Variants in WDR25 observed in about 807,000 individuals in gnomAD.
WDR25 encodes WD repeat domain 25, also known as WD repeat-containing protein 25.
A neutral mutation model predicts 47.7 loss-of-function variants in WDR25; 35 were observed. That is an observed-to-expected ratio of 0.73 (90% CI 0.56 to 0.97). WDR25 has a LOEUF of 0.97. Among genes scored for constraint, WDR25 ranks in the 50% least tolerant of loss-of-function variants. The pLI is 0.00. For missense variants in WDR25, 634 were observed against 704.7 expected (o/e 0.90, Z 1.14); for synonymous variants, 248 against 278.9 (o/e 0.89, Z 1.10).
rs994079690 is a variant in WDR25 at position 100,430,791 on chromosome 14, T to C, written c.823-37230T>C. ...TGCACAGATGAGGCTTGCTTCGTGCTCCCCAGCCTGGCAACGTGGACATTT... is the reference window on the plus strand; with the variant it reads ...TGCACAGATGAGGCTTGCTTCGTGCCCCCCAGCCTGGCAACGTGGACATTT... On this transcript the variant is annotated intron_variant, in intron 2 of 6. Transcript: ENST00000402312. This position sits in a 1 kb window ranked among gnomAD's most constrained non-coding sequence, Gnocchi z 4.7. 6.6e-6 allele frequency among the ~76,000 whole-genome samples: 1 copy of C among 152,092 alleles called. No individual in the cohort carries two copies. Among genetic ancestry groups the C allele is most frequent in the Non-Finnish European group, 1.5e-5 (1 of 68,016 alleles).
intron 2 of WDR25, among the ~76,000 whole-genome samples, chr14:100,398,129 C>T (rs1378316333): frequency 6.6e-6 from 1 of 152,224 alleles, no homozygotes; most frequent in Non-Finnish European, 1.5e-5. Flanking sequence ...TGAACCACCA[C>T]ACCCGGCCTG....
At chr14:100,445,386 C>T (rs1184336084) in intron 2 of WDR25, among the ~76,000 whole-genome samples, 2 of 152,164 alleles carry the variant, frequency 1.3e-5, no homozygotes, top group African/African-American at 4.8e-5. Flanking sequence ...TAAAATTTTG[C>T]CTCAGAGCCT....
intron 3 of WDR25, among the ~76,000 whole-genome samples, chr14:100,470,411 A>T (rs922145469): frequency 6.6e-6 from 1 of 152,230 alleles, no homozygotes; most frequent in African/African-American, 2.4e-5. Context: ...AATTCATTTG[A>T]TGGCATTGAT....
At chr14:100,514,213 A>G (rs914578194) in intron 4 of WDR25, among the ~76,000 whole-genome samples, 2 of 151,898 alleles carry the variant, frequency 1.3e-5, no homozygotes, top group Non-Finnish European at 2.9e-5. Context: ...TGGGATTACA[A>G]GCGTGAGCCA....
At chr14:100,377,041 C>T (rs1896709183) in intron 1 of WDR25, among the ~76,000 whole-genome samples, 1 of 152,220 alleles carries the variant, frequency 6.6e-6, no homozygotes, top group South Asian at 2.1e-4. Flanking sequence ...TCCCTTCCAT[C>T]TTACTGTCTG....
intron 2 of WDR25, among the ~76,000 whole-genome samples, chr14:100,452,574 G>A: frequency 6.6e-6 from 1 of 152,152 alleles, no homozygotes; most frequent in Non-Finnish European, 1.5e-5. Flanking sequence ...CAGGTGCCCA[G>A]GCCTTGAGGG....
intron 4 of WDR25, among the ~76,000 whole-genome samples, chr14:100,517,522 T>C (rs1028189497): frequency 6.6e-6 from 1 of 152,182 alleles, no homozygotes; most frequent in Non-Finnish European, 1.5e-5. Context: ...TACTTATTGT[T>C]AATATTTTAC....
chr14:100,377,553 G>A (rs537294012), intron 1 of WDR25, among the ~76,000 whole-genome samples: 8 of 151,614 alleles, frequency 5.3e-5, no homozygotes, highest in African/African-American at 1.7e-4. Flanking sequence ...CAGGTAATCC[G>A]CCCTTCTCGG....
In WDR25 at chr14:100,498,400, A is replaced by G. The variant is rs1900805443; in HGVS notation, c.1101+14276A>G. ...CCCTCTGCATGCCCCTTTTCCACCA[A>G]ACAGATTTCTTGGTTTTTAATTACA... On this transcript the variant is annotated intron_variant, in intron 4 of 6. Coordinates refer to ENST00000402312, the MANE Select transcript of WDR25 (RefSeq NM_001161476.3). This position sits in a 1 kb window ranked among gnomAD's most constrained non-coding sequence, Gnocchi z 4.2. Among the ~76,000 whole-genome samples, 1 of 152,022 alleles carries G rather than the reference A, an allele frequency of 6.6e-6. No homozygotes were observed. Among genetic ancestry groups the G allele is most frequent in the Non-Finnish European group, 1.5e-5 (1 of 67,992 alleles).
chr14:100,387,078 G>A (rs116660699), intron 2 of WDR25, among the ~76,000 whole-genome samples: 2 of 151,590 alleles, frequency 1.3e-5, no homozygotes, highest in African/African-American at 4.9e-5. Context: ...TAGCCTCTCT[G>A]ATCCCCTAGT....
intron 2 of WDR25, among the ~76,000 whole-genome samples, chr14:100,455,838 TTA>T (rs965333413): frequency 6.6e-5 from 10 of 152,332 alleles, no homozygotes; most frequent in African/African-American, 2.4e-4. Flanking sequence ...GGCCTTCTTG[TTA>T]TCTATGACAC....
chr14:100,396,077 T>C (rs7142684), intron 2 of WDR25, among the ~76,000 whole-genome samples: 10,350 of 150,688 alleles, frequency 0.069, 634 homozygotes, highest in African/African-American at 0.17. Context: ...TCCGGGTTCA[T>C]GACATTCTCC....
At chr14:100,464,640 CAGTGCAT>C in intron 2 of WDR25, among the ~76,000 whole-genome samples, 1 of 151,246 alleles carries the variant, frequency 6.6e-6, no homozygotes, top group Non-Finnish European at 1.5e-5. Flanking sequence ...CGCATCAACC[CAGTGCAT>C]TTCATCTCCC....
chr14:100,390,391 CTGTGTGTGTGTGTG>C lies in WDR25; in HGVS notation c.822+8668_822+8681del, dbSNP rs55802109. ...CCTAAAAAGCTGACCTGACCAAAAG[CTGTGTGTGTGTGTG>C]TGTGTGTGTGTGTGTGTGTGTGCAT... On this transcript the variant is annotated intron_variant, in intron 2 of 6. Coordinates refer to ENST00000402312, the MANE Select transcript of WDR25 (RefSeq NM_001161476.3). Among the ~76,000 whole-genome samples, 14 of 146,714 alleles carry C rather than the reference CTGTGTGTGTGTGTG, an allele frequency of 9.5e-5. No individual in the cohort carries two copies. In the East Asian group the frequency reaches 1.6e-3, roughly 17 times the overall value.
intron 4 of WDR25, among the ~76,000 whole-genome samples, chr14:100,494,670 G>T (rs184698745): frequency 6.6e-6 from 1 of 152,292 alleles, no homozygotes; most frequent in Admixed American, 6.5e-5. Context: ...CTTTAAATAG[G>T]ACAGGACAGC....
In WDR25 at chr14:100,440,916, T is replaced by A. The variant is rs1337600163; in HGVS notation, c.823-27105T>A. ...GGATAGTCCTGATGACAAATGTAAT[T>A]GACATTTTTTATTAACCCTGAAATG... is the stretch of plus-strand genomic sequence containing the variant. On this transcript the variant is annotated intron_variant, in intron 2 of 6. Transcript: ENST00000402312. The surrounding 1 kb of genome is among the most constrained non-coding windows in gnomAD (Gnocchi z 4.4). Among the ~76,000 whole-genome samples the A allele has an allele frequency of 6.6e-6, 1 of 152,186 alleles. No individual in the cohort carries two copies. The highest frequency in any genetic ancestry group is 2.4e-5 in the African/African-American group (1 of 41,440).
chr14:100,469,294 G>A (rs1463243037), intron 3 of WDR25, among the ~76,000 whole-genome samples: 1 of 152,240 alleles, frequency 6.6e-6, no homozygotes, highest in Non-Finnish European at 1.5e-5. Context: ...TCCACCTTGA[G>A]TGTGGGCGGC....
intron 4 of WDR25, among the ~76,000 whole-genome samples, chr14:100,495,382 C>T (rs1244215142): frequency 6.6e-6 from 1 of 152,086 alleles, no homozygotes; most frequent in Non-Finnish European, 1.5e-5. Context: ...ACAAAAAAAC[C>T]AAAAAACCCA....
chr14:100,387,194 T>C (rs1897040006), intron 2 of WDR25, among the ~76,000 whole-genome samples: 1 of 152,052 alleles, frequency 6.6e-6, no homozygotes, highest in Admixed American at 6.6e-5. Flanking sequence ...AGGGAGAGGC[T>C]GAGGAAGCAT....
Sources: gnomAD v4.1 joint callset for allele counts (sites outside exome capture counted in the v4.1 genomes callset) on GRCh38, gnomAD v4.1.1 for gene constraint, Gnocchi (gnomAD v3.1) non-coding constraint, MANE v1.5 for transcripts, NCBI Gene and HGNC (gene_info 2026-07-23, HGNC 2026-07-21) for gene names.